PDE7A: variants seen among roughly 807,000 people sequenced by gnomAD.
PDE7A encodes the protein phosphodiesterase 7A, also known as high affinity 3',5'-cyclic-AMP phosphodiesterase 7A.
Under a neutral mutation model 64.3 loss-of-function variants are expected in PDE7A, and 39 were observed. The ratio of observed to expected loss-of-function variants is 0.61; its 90% CI spans 0.47 to 0.79. PDE7A has a LOEUF of 0.79. Ranked by LOEUF, PDE7A falls within the 30% of genes least tolerant of loss-of-function variation. The pLI is 0.00. For synonymous variants in PDE7A, 203 were observed against 206.8 expected, an observed-to-expected ratio of 0.98 and a Z score of 0.16; for missense variants, 470 against 582.8, an observed-to-expected ratio of 0.81 and a Z score of 1.99.
At chr8:65,771,895 AAAAAAAAAAAAAG>A (rs1809103794) in intron 3 of PDE7A, among the ~76,000 whole-genome samples, 1 of 150,978 alleles carries the variant, frequency 6.6e-6, no homozygotes, top group South Asian at 2.1e-4. Flanking sequence ...AAAAAAAAAA[AAAAAAAAAAAAAG>A]AAGAAGAAGA....
At chr8:65,834,248 C>A (rs1810899804) in intron 1 of PDE7A, among the ~76,000 whole-genome samples, 1 of 152,132 alleles carries the variant, frequency 6.6e-6, no homozygotes, top group Non-Finnish European at 1.5e-5. Flanking sequence ...CAACGATCCA[C>A]CTCCCCTTAA....
chr8:65,803,653 T>C (rs1005407733), intron 1 of PDE7A, among the ~76,000 whole-genome samples: 1 of 152,238 alleles, frequency 6.6e-6, no homozygotes, highest in Non-Finnish European at 1.5e-5. Context: ...GGCCTTTTTC[T>C]TCTGGTATCC....
At chr8:65,722,143 GA>G (rs1427797065) in intron 12 of PDE7A, 1 of 152,164 alleles carries the variant, frequency 6.6e-6, no homozygotes, top group Non-Finnish European at 1.5e-5. Context: ...TTCTACTTGA[GA>G]ATCAAGACAA....
intron 4 of PDE7A, among the ~76,000 whole-genome samples, chr8:65,746,423 C>A (rs1807680587): frequency 6.6e-6 from 1 of 152,090 alleles, no homozygotes; most frequent in African/African-American, 2.4e-5. Flanking sequence ...ACACTTCTAA[C>A]TTATGGATAT....
chr8:65,746,064 G>C (rs1366793921), intron 4 of PDE7A, among the ~76,000 whole-genome samples: 1 of 151,894 alleles, frequency 6.6e-6, no homozygotes, highest in East Asian at 1.9e-4. Flanking sequence ...CCGAGAAGCT[G>C]GGACTACAAG....
chr8:65,824,389 T>C (rs577064361), intron 1 of PDE7A, among the ~76,000 whole-genome samples: 36 of 152,306 alleles, frequency 2.4e-4, no homozygotes, highest in Admixed American at 1.3e-3. Flanking sequence ...TGAACACTGC[T>C]GAAATGACAA....
intron 1 of PDE7A, among the ~76,000 whole-genome samples, chr8:65,809,984 A>C (rs1810212832): frequency 6.6e-6 from 1 of 152,212 alleles, no homozygotes. Flanking sequence ...TGACCCAGCG[A>C]TATCATTACT....
chr8:65,826,912 T>C (rs6984768), intron 1 of PDE7A, among the ~76,000 whole-genome samples: 14,340 of 152,152 alleles, frequency 0.094, 2,036 homozygotes, highest in African/African-American at 0.31. Context: ...TCTTGGCTGG[T>C]GGCTGCATCA....
At chr8:65,816,332 T>G (rs1810399567) in intron 1 of PDE7A, among the ~76,000 whole-genome samples, 1 of 152,226 alleles carries the variant, frequency 6.6e-6, no homozygotes, top group Non-Finnish European at 1.5e-5. Context: ...CAGAAGGTAA[T>G]GTTAGATACT....
At chr8:65,776,555 T>G (rs926207681) in intron 3 of PDE7A, among the ~76,000 whole-genome samples, 2 of 152,196 alleles carry the variant, frequency 1.3e-5, no homozygotes, top group African/African-American at 4.8e-5. Context: ...TATATATTTC[T>G]ATTTAAGTTA....
chr8:65,717,771 TAC>T lies in PDE7A; in HGVS notation c.*1517_*1518del, dbSNP rs1806199178. 6.6e-6 allele frequency: 1 copy of T among 152,236 alleles called. No individual in the cohort carries two copies. Among genetic ancestry groups the T allele is most frequent in the Non-Finnish European group, 1.5e-5 (1 of 68,036 alleles). The allele number at this position is 152,236 out of a possible 1,614,324, so 9.4% of individuals were successfully genotyped here. A position where few individuals can be genotyped will look rare whatever the true frequency, so the allele number is the denominator to read the frequency against. On this transcript the variant is annotated 3_prime_UTR_variant, in exon 13 of 13. Coordinates refer to ENST00000401827, the MANE Select transcript of PDE7A (RefSeq NM_001242318.3). ...TGGCAAAGCCTTTTACAAATGGCTT[TAC>T]ACTCAAGCTTTCTCCCAAGAAAATG... is the stretch of plus-strand genomic sequence containing the variant.
At chr8:65,775,881 G>A (rs542316991) in intron 3 of PDE7A, among the ~76,000 whole-genome samples, 2 of 152,180 alleles carry the variant, frequency 1.3e-5, no homozygotes, top group South Asian at 2.1e-4. Flanking sequence ...CACCTGCCTC[G>A]GCTTTCCAAA....
chr8:65,815,687 A>T (rs1271780936), intron 1 of PDE7A, among the ~76,000 whole-genome samples: 1 of 152,210 alleles, frequency 6.6e-6, no homozygotes, highest in African/African-American at 2.4e-5. Flanking sequence ...TCTTAGAGAT[A>T]GAATTATACA....
intron 1 of PDE7A, among the ~76,000 whole-genome samples, chr8:65,801,239 T>A (rs1370184457): frequency 6.6e-6 from 1 of 152,196 alleles, no homozygotes; most frequent in Non-Finnish European, 1.5e-5. Flanking sequence ...TAGCAAAGTC[T>A]CTAAGAATAC....
chr8:65,748,096 TG>T (rs982032364), intron 3 of PDE7A, among the ~76,000 whole-genome samples: 19 of 147,672 alleles, frequency 1.3e-4, no homozygotes, highest in Admixed American at 1.0e-3. Context: ...AATCACGGTT[TG>T]TTTTTTTTTT....
chr8:65,834,498 T>C (rs1810906496), intron 1 of PDE7A, among the ~76,000 whole-genome samples: 1 of 152,212 alleles, frequency 6.6e-6, no homozygotes, highest in South Asian at 2.1e-4. Context: ...GGGTCAGCTG[T>C]AATTATAATT....
intron 5 of PDE7A, among the ~76,000 whole-genome samples, chr8:65,744,932 G>A (rs1382970836): frequency 6.6e-6 from 1 of 152,120 alleles, no homozygotes; most frequent in Non-Finnish European, 1.5e-5. Context: ...TCCCTGATAT[G>A]GTTTGGCTGT....
At chr8:65,769,247 C>CAAAAAA (rs61554087) in intron 3 of PDE7A, among the ~76,000 whole-genome samples, 6 of 74,422 alleles carry the variant, frequency 8.1e-5, no homozygotes, top group Non-Finnish European at 1.0e-4. Flanking sequence ...GACTCAGTCT[C>CAAAAAA]AAAAAAAAAA....
chr8:65,758,190 C>G (rs775913435), intron 3 of PDE7A, among the ~76,000 whole-genome samples: 1 of 152,174 alleles, frequency 6.6e-6, no homozygotes, highest in African/African-American at 2.4e-5. Flanking sequence ...ATTTTTACCA[C>G]TAGGCAATAA....
Sources: gnomAD v4.1 joint callset for allele counts (sites outside exome capture counted in the v4.1 genomes callset) on GRCh38, gnomAD v4.1.1 for gene constraint, MANE v1.5 for transcripts, NCBI Gene and HGNC (gene_info 2026-07-23, HGNC 2026-07-21) for gene names.